The following TBC1D32 variants were observed in gnomAD, a reference collection of about 807,000 sequenced individuals.
The protein encoded by TBC1D32 is TBC1 domain family member 32.
Under a neutral mutation model 170.3 loss-of-function variants are expected in TBC1D32, and 151 were observed. That is an observed-to-expected ratio of 0.89 (90% CI 0.78 to 1.01). The LOEUF (loss-of-function observed/expected upper bound fraction) is 1.01. Ranked by LOEUF, TBC1D32 falls within the 50% of genes least tolerant of loss-of-function variation. The probability of loss-of-function intolerance (pLI) is 0.00; values close to 1 mark genes in which losing one functional copy is unlikely to be tolerated. For synonymous variants in TBC1D32, 498 were observed against 488.0 expected (o/e 1.02, Z -0.27); for missense variants, 1,464 against 1,457.1 (o/e 1.00, Z -0.08).
chr6:121,239,147 C>T lies in TBC1D32; in HGVS notation c.2287G>A (p.Glu763Lys). 1 of 1,602,322 alleles carries T rather than the reference C, an allele frequency of 6.2e-7. No homozygotes were observed. The highest frequency in any genetic ancestry group is 8.5e-7 in the Non-Finnish European group (1 of 1,171,874). Reference sequence around the variant, plus strand: ...ACCCTAACATCATCTCTTCCATATTCCAGATTGGACCATAATTCAGTTATA... The same window carrying T: ...ACCCTAACATCATCTCTTCCATATTTCAGATTGGACCATAATTCAGTTATA... The part of the protein sequence containing the change: ...ELITELWSNL[E>K]YGRDDVRVTH... Residue 763 changes from glutamate to lysine, a missense_variant, in exon 20 of 32, where the codon GAA becomes AAA. Coordinates refer to ENST00000398212, the MANE Select transcript of TBC1D32 (RefSeq NM_152730.6).
intron 24 of TBC1D32, among the ~76,000 whole-genome samples, chr6:121,138,657 A>G (rs1461980037): frequency 2.0e-5 from 3 of 152,164 alleles, no homozygotes; most frequent in African/African-American, 4.8e-5. Context: ...AAACAATAAG[A>G]AAAGAAAAAA....
intron 30 of TBC1D32, among the ~76,000 whole-genome samples, chr6:121,091,867 C>G (rs1195881719): frequency 6.6e-6 from 1 of 152,056 alleles, no homozygotes; most frequent in Non-Finnish European, 1.5e-5. Flanking sequence ...ACGGTGAGCC[C>G]TAATCCAATA....
chr6:121,248,402 A>C (rs1797896606), intron 17 of TBC1D32, among the ~76,000 whole-genome samples: 1 of 151,990 alleles, frequency 6.6e-6, no homozygotes, highest in Non-Finnish European at 1.5e-5. Context: ...GTCACACCTC[A>C]AGGAATTAGA....
chr6:121,147,844 G>A lies in TBC1D32; in HGVS notation c.2773+12166C>T, dbSNP rs142196827. Among the ~76,000 whole-genome samples, 1,326 of 151,434 alleles carry A rather than the reference G, an allele frequency of 8.8e-3. 22 individuals are homozygous for A. The highest frequency in any genetic ancestry group is 0.03 in the African/African-American group (1,239 of 41,304). On this transcript the variant is annotated intron_variant, in intron 24 of 31. Coordinates refer to ENST00000398212, the MANE Select transcript of TBC1D32 (RefSeq NM_152730.6). ...CCTGATCTCAGGATCGGCCTGCCTC[G>A]GCCTCTCAAAGTGCTGGGATTACAG...
intron 13 of TBC1D32, among the ~76,000 whole-genome samples, chr6:121,282,126 G>A (rs1264243462): frequency 5.3e-5 from 8 of 151,586 alleles, no homozygotes; most frequent in Non-Finnish European, 1.2e-4. Flanking sequence ...CAAGAAAATG[G>A]GAAAAAGGAG....
At chr6:121,286,802 T>C (rs879373037) in intron 12 of TBC1D32, among the ~76,000 whole-genome samples, 20 of 152,186 alleles carry the variant, frequency 1.3e-4, no homozygotes, top group African/African-American at 4.3e-4. Context: ...ACAGTTGATC[T>C]CTCAGCAGAA....
chr6:121,126,714 A>T, intron 25 of TBC1D32, among the ~76,000 whole-genome samples: 1 of 152,148 alleles, frequency 6.6e-6, no homozygotes, highest in Non-Finnish European at 1.5e-5. Flanking sequence ...TAGATCCTCT[A>T]AGAATTATTT....
chr6:121,081,738 T>C (rs1454263488), intron 31 of TBC1D32, among the ~76,000 whole-genome samples: 9 of 151,948 alleles, frequency 5.9e-5, no homozygotes, highest in Admixed American at 6.6e-5. Flanking sequence ...AACCTCAATA[T>C]AGAAATAGCT....
intron 2 of TBC1D32, among the ~76,000 whole-genome samples, chr6:121,319,227 G>T (rs1290042338): frequency 1.3e-5 from 2 of 151,900 alleles, no homozygotes; most frequent in East Asian, 1.9e-4. Context: ...ACATACAGAA[G>T]GTAACTCAAT....
upstream of TBC1D32, chr6:121,334,517 C>T (rs1811636268): frequency 1.4e-6 from 2 of 1,455,550 alleles, no homozygotes; most frequent in South Asian, 1.3e-5. Flanking sequence ...CCCCACCCAG[C>T]CCCGGCTACG....
In TBC1D32 at chr6:121,304,756, T is replaced by C; in HGVS notation, c.768A>G (p.Leu256=). ...TTTTAAATGTTTTCACAAACATACCTAAGCTTGTATAAATTTCCTTGGTCA... is the reference window on the plus strand; with the variant it reads ...TTTTAAATGTTTTCACAAACATACCCAAGCTTGTATAAATTTCCTTGGTCA... ...LHMTKEIYTS[L]AKYLESYFLS... is the part of the protein sequence containing the mutation. The change falls in exon 6 of 32, where the codon TTA becomes TTG. Residue 256 remains leucine (L), a splice_region_variant and synonymous_variant. Coordinates refer to ENST00000398212, the MANE Select transcript of TBC1D32 (RefSeq NM_152730.6). The C allele has an allele frequency of 6.3e-7, 1 of 1,599,210 alleles. No homozygotes were observed. Among genetic ancestry groups the C allele is most frequent in the Non-Finnish European group, 8.5e-7 (1 of 1,171,186 alleles).
At position 121,317,573 on chromosome 6, in the gene TBC1D32, CCTTT is replaced by C. The variant is rs1417799342; in HGVS notation, c.413_416del (p.Glu138GlyfsTer25). ...TTTTCTCCTTTTGGATTTTTTTCTG[CCTTT>C]CTTGATTTCGTGTCTCATCTTCTTC... On this transcript the variant is annotated frameshift_variant, in exon 3 of 32. Coordinates refer to ENST00000398212, the MANE Select transcript of TBC1D32 (RefSeq NM_152730.6). LOFTEE classifies it high-confidence loss of function. 1.2e-5 allele frequency: 20 copies of C among 1,612,558 alleles called. No homozygotes were observed. The highest frequency in any genetic ancestry group is 2.7e-5 in the African/African-American group (2 of 74,806).
At chr6:121,144,457 G>A (rs1261270847) in intron 24 of TBC1D32, among the ~76,000 whole-genome samples, 1 of 152,028 alleles carries the variant, frequency 6.6e-6, no homozygotes, top group African/African-American at 2.4e-5. Context: ...GTAAAGATTT[G>A]CTGACAGATT....
chr6:121,334,250 G>A lies in TBC1D32; in HGVS notation c.155+26C>T, dbSNP rs199904509. The A allele has an allele frequency of 8.4e-5, 135 of 1,602,162 alleles. No homozygotes were observed. In the African/African-American group the frequency reaches 1.7e-3, roughly 20 times the overall value. ...CCCTCTCTGGATCGATGGTTTATAGGCTTAAAACATCAAAAGCAATTTTAC... is the reference window on the plus strand; with the variant it reads ...CCCTCTCTGGATCGATGGTTTATAGACTTAAAACATCAAAAGCAATTTTAC... On this transcript the variant is annotated intron_variant, in intron 1 of 31. Coordinates refer to ENST00000398212, the MANE Select transcript of TBC1D32 (RefSeq NM_152730.6).
intron 24 of TBC1D32, among the ~76,000 whole-genome samples, chr6:121,154,407 G>A (rs1267009546): frequency 6.6e-6 from 1 of 152,152 alleles, no homozygotes; most frequent in Non-Finnish European, 1.5e-5. Context: ...GGTCTCACTG[G>A]GATCTGAGGA....
At chr6:121,310,899 T>C in intron 3 of TBC1D32, 52 bp from the exon 4 acceptor site, 1 of 953,688 alleles carries the variant, frequency 1.0e-6, no homozygotes, top group East Asian at 2.5e-5. Context: ...TTTAGAACTA[T>C]TGCTATAAGT....
In TBC1D32 at chr6:121,248,833, A is replaced by C. The variant is rs539124689; in HGVS notation, c.2019-6494T>G. 1.2e-4 allele frequency among the ~76,000 whole-genome samples: 18 copies of C among 152,032 alleles called. No individual in the cohort carries two copies. In the South Asian group the frequency reaches 3.5e-3, roughly 30 times the overall value. On this transcript the variant is annotated intron_variant, in intron 17 of 31. Transcript: ENST00000398212. ...TTAAAAAAAACTGCCAACAGAAAAA[A>C]GTCCAGGACTAGATAAATTCATAGC...
chr6:121,248,472 G>A (rs1309030593), intron 17 of TBC1D32, among the ~76,000 whole-genome samples: 1 of 151,290 alleles, frequency 6.6e-6, no homozygotes, highest in Non-Finnish European at 1.5e-5. Flanking sequence ...AAGATCAGAG[G>A]AGAATTAAAT....
intron 31 of TBC1D32, among the ~76,000 whole-genome samples, chr6:121,081,618 T>C (rs933390002): frequency 6.6e-6 from 1 of 151,892 alleles, no homozygotes; most frequent in Non-Finnish European, 1.5e-5. Context: ...GAGTTTATAG[T>C]TTAAAGGCAA....
Sources: allele counts gnomAD v4.1 joint callset (sites outside exome capture counted in the v4.1 genomes callset), GRCh38; gene constraint gnomAD v4.1.1; transcripts MANE v1.5; gene names NCBI Gene and HGNC (gene_info 2026-07-23, HGNC 2026-07-21).